Variants in PDK1 observed in about 807,000 individuals in gnomAD.
PDK1 encodes pyruvate dehydrogenase kinase 1, also known as [Pyruvate dehydrogenase (acetyl-transferring)] kinase isozyme 1, mitochondrial.
Under a neutral mutation model 54.2 loss-of-function variants are expected in PDK1, and 39 were observed. The ratio of observed to expected loss-of-function variants is 0.72; its 90% CI spans 0.56 to 0.94. The LOEUF (loss-of-function observed/expected upper bound fraction) is 0.94, where lower values mean the gene tolerates loss of function less well. PDK1 is among the 40% of genes least tolerant of loss of function. The pLI is 0.00. For missense variants in PDK1, 552 were observed against 566.0 expected (o/e 0.98, Z 0.25); for synonymous variants, 221 against 207.1 (o/e 1.07, Z -0.58).
the PDK1 span, chr2:172,678,991 AC>A: frequency 6.6e-6 from 1 of 152,172 alleles, no homozygotes. Context: ...TATGATGTTG[AC>A]TCTGTCGCAG....
the PDK1 span, among the ~76,000 whole-genome samples, chr2:172,629,076 G>T: frequency 6.6e-6 from 1 of 152,222 alleles, no homozygotes; most frequent in South Asian, 2.1e-4. Context: ...GCTGCAGTGA[G>T]CCTTCATCAT....
chr2:172,596,078 A>G lies in PDK1; in HGVS notation c.*109A>G. On this transcript the variant is annotated 3_prime_UTR_variant, in exon 11 of 11. Coordinates refer to ENST00000282077, the MANE Select transcript of PDK1 (RefSeq NM_002610.5). The stretch of plus-strand genomic sequence containing the variant: ...GTACTTTATTTATCGTTTTCACAAA[A>G]CTATTTGAGTAGAATAAATGGAAAC... The G allele has an allele frequency of 1.1e-6, 1 of 918,138 alleles. No individual in the cohort carries two copies. Among genetic ancestry groups the G allele is most frequent in the Non-Finnish European group, 1.6e-6 (1 of 629,480 alleles). The allele number at this position is 918,138 out of a possible 1,614,324, so 56.9% of individuals were successfully genotyped here.
At chr2:172,569,346 T>C (rs1337444296) in intron 7 of PDK1, among the ~76,000 whole-genome samples, 2 of 152,230 alleles carry the variant, frequency 1.3e-5, no homozygotes, top group African/African-American at 4.8e-5. Flanking sequence ...ACAGGGTTTC[T>C]GCTGTAATCT....
chr2:172,612,912 G>A (rs1277464465), downstream of PDK1, among the ~76,000 whole-genome samples: 3 of 152,048 alleles, frequency 2.0e-5, no homozygotes, highest in Admixed American at 6.6e-5. Flanking sequence ...CGCCCACCTC[G>A]GCCTCCCAAA....
At chr2:172,626,170 T>C in the PDK1 span, among the ~76,000 whole-genome samples, 19 of 152,226 alleles carry the variant, frequency 1.2e-4, no homozygotes, top group African/African-American at 4.6e-4. Context: ...GTTTATTTAT[T>C]TTTCGGATTC....
At position 172,606,434 on chromosome 2, in the gene PDK1, G is replaced by T. The variant is rs1378186494; in HGVS notation, c.*10465G>T. On this transcript the variant is annotated 3_prime_UTR_variant, in exon 11 of 11. Transcript: ENST00000282077. ...ATACTTTAGTGAACCTCCATGTTAT[G>T]AACCTTACTTCCTCAAGTCTCTTTT... 1 of 152,172 alleles carries T rather than the reference G, an allele frequency of 6.6e-6. No individual in the cohort carries two copies. The highest frequency in any genetic ancestry group is 2.4e-5 in the African/African-American group (1 of 41,442). The allele number at this position is 152,172 out of a possible 1,614,324, so 9.4% of individuals were successfully genotyped here.
the PDK1 span, among the ~76,000 whole-genome samples, chr2:172,704,564 T>G: frequency 1.3e-5 from 2 of 152,144 alleles, no homozygotes; most frequent in East Asian, 3.9e-4. Context: ...TTCGACAGGT[T>G]CTACAGAGTG....
the PDK1 span, among the ~76,000 whole-genome samples, chr2:172,684,169 C>A: frequency 6.6e-6 from 1 of 152,056 alleles, no homozygotes; most frequent in Non-Finnish European, 1.5e-5. Context: ...GCCTGTAATC[C>A]CAGCACTTTG....
the PDK1 span, among the ~76,000 whole-genome samples, chr2:172,625,878 T>A: frequency 5.3e-5 from 8 of 152,314 alleles, no homozygotes; most frequent in South Asian, 1.7e-3. Context: ...TATGTACATA[T>A]ATGTGCTTAA....
At chr2:172,706,012 T>G in the PDK1 span, among the ~76,000 whole-genome samples, 2 of 152,134 alleles carry the variant, frequency 1.3e-5, no homozygotes, top group African/African-American at 4.8e-5. Context: ...TTACCCAGTT[T>G]CCCCCAGTGG....
At chr2:172,706,985 C>G in the PDK1 span, among the ~76,000 whole-genome samples, 1 of 152,120 alleles carries the variant, frequency 6.6e-6, no homozygotes, top group Admixed American at 6.6e-5. Flanking sequence ...ACTGACACCA[C>G]CAGCTAGGAG....
chr2:172,686,078 C>A, the PDK1 span, among the ~76,000 whole-genome samples: 1 of 152,306 alleles, frequency 6.6e-6, no homozygotes, highest in African/African-American at 2.4e-5. Flanking sequence ...AGTTTCACCA[C>A]TGAAGTGCTA....
chr2:172,669,964 T>A, the PDK1 span, among the ~76,000 whole-genome samples: 1 of 152,264 alleles, frequency 6.6e-6, no homozygotes, highest in African/African-American at 2.4e-5. Flanking sequence ...CTCTTTGCTC[T>A]ATTGTTTCTT....
At chr2:172,630,811 G>A in the PDK1 span, among the ~76,000 whole-genome samples, 1 of 151,814 alleles carries the variant, frequency 6.6e-6, no homozygotes, top group Non-Finnish European at 1.5e-5. Flanking sequence ...TTATTTTTTG[G>A]TAGAGATGGG....
chr2:172,622,313 T>TATATTATGTGAGATATGTTTATATCTC, the PDK1 span, among the ~76,000 whole-genome samples: 2 of 137,936 alleles, frequency 1.4e-5, no homozygotes, highest in African/African-American at 5.6e-5. Flanking sequence ...TTATATCTCA[T>TATATTATGTGAGATATGTTTATATCTC]ATATTATGTG....
At chr2:172,636,798 G>C in the PDK1 span, among the ~76,000 whole-genome samples, 3 of 151,518 alleles carry the variant, frequency 2.0e-5, no homozygotes, top group Non-Finnish European at 4.4e-5. Context: ...TCTACCCGAT[G>C]GTCCATACAT....
chr2:172,627,306 G>A, the PDK1 span, among the ~76,000 whole-genome samples: 7 of 152,140 alleles, frequency 4.6e-5, no homozygotes, highest in Non-Finnish European at 1.0e-4. Context: ...CATTATGTTC[G>A]TCAGGGAAAT....
chr2:172,710,979 C>A, the PDK1 span, among the ~76,000 whole-genome samples: 2 of 152,208 alleles, frequency 1.3e-5, no homozygotes, highest in Non-Finnish European at 2.9e-5. Flanking sequence ...TATTGGAAAG[C>A]ACATTGGAAG....
At chr2:172,700,237 C>T in the PDK1 span, among the ~76,000 whole-genome samples, 94 of 152,244 alleles carry the variant, frequency 6.2e-4, no homozygotes, top group South Asian at 1.2e-3. Context: ...AAACCGCCAT[C>T]GTCATCATGG....
Sources: gnomAD v4.1 joint callset for allele counts (sites outside exome capture counted in the v4.1 genomes callset) on GRCh38, gnomAD v4.1.1 for gene constraint, MANE v1.5 for transcripts, NCBI Gene and HGNC (gene_info 2026-07-23, HGNC 2026-07-21) for gene names.